OSBPL5: variants seen among roughly 807,000 people sequenced by gnomAD.
OSBPL5 encodes the protein oxysterol-binding protein-related protein 5.
Under a neutral mutation model 111.2 loss-of-function variants are expected in OSBPL5, and 71 were observed. That is an observed-to-expected ratio of 0.64 (90% CI 0.53 to 0.78). OSBPL5 has a LOEUF of 0.78. Among genes scored for constraint, OSBPL5 ranks in the 30% least tolerant of loss-of-function variants. The pLI is 0.00. For synonymous variants in OSBPL5, 549 were observed against 513.9 expected (o/e 1.07, Z -0.93); for missense variants, 1,210 against 1,189.3 (o/e 1.02, Z -0.26).
At chr11:3,158,157 C>T (rs1267021374) in intron 1 of OSBPL5, among the ~76,000 whole-genome samples, 3 of 152,262 alleles carry the variant, frequency 2.0e-5, no homozygotes, top group Non-Finnish European at 4.4e-5. Context: ...CTCCCAGCCT[C>T]CTGTGGCCAA....
intron 3 of OSBPL5, among the ~76,000 whole-genome samples, chr11:3,125,207 G>A (rs1858570055): frequency 6.6e-6 from 1 of 152,222 alleles, no homozygotes. Flanking sequence ...AGGCTGACCA[G>A]AACTTTGCAA....
intron 13 of OSBPL5, 117 bp downstream of exon 13, chr11:3,101,486 G>A (rs1857452920): frequency 1.1e-6 from 1 of 927,654 alleles, no homozygotes; most frequent in East Asian, 2.6e-5. Flanking sequence ...GACTAGGAGG[G>A]GTTGGGAGGG....
At chr11:3,103,215 C>A (rs763050680) in intron 11 of OSBPL5, 24 bp downstream of exon 11, 3 of 1,580,288 alleles carry the variant, frequency 1.9e-6, no homozygotes, top group African/African-American at 2.7e-5. Flanking sequence ...GGAGCCCCAC[C>A]CTCCCTGGCT....
At chr11:3,155,319 A>C (rs1038034279) in intron 1 of OSBPL5, among the ~76,000 whole-genome samples, 2 of 152,172 alleles carry the variant, frequency 1.3e-5, no homozygotes, top group Non-Finnish European at 2.9e-5. Flanking sequence ...CTCCAGGAAT[A>C]ATGTCCGGCA....
intron 7 of OSBPL5, among the ~76,000 whole-genome samples, chr11:3,114,498 G>A (rs1342341545): frequency 6.7e-6 from 1 of 148,410 alleles, no homozygotes; most frequent in Admixed American, 6.7e-5. Flanking sequence ...TGATCAAGTT[G>A]TCTATGACTA....
rs374028974 is a variant in OSBPL5, at chr11:3,107,360, C to T, written c.962G>A (p.Arg321Gln). 4.5e-5 allele frequency: 72 copies of T among 1,614,040 alleles called. No individual in the cohort carries two copies. Among genetic ancestry groups the T allele is most frequent in the South Asian group, 3.3e-4 (30 of 91,084 alleles). ...CTGGTCGCTGCCACTCTCCGTCTTC[C>T]GGCTATGGTCCTGGGTCTCGGTATC... ...ESDTETQDHS[R>Q]KTESGSDQSE... Residue 321 changes from arginine to glutamine, a missense_variant, in exon 9 of 22, where the codon CGG becomes CAG. Coordinates refer to ENST00000263650, the MANE Select transcript of OSBPL5 (RefSeq NM_020896.4). The surrounding 1 kb of genome is among the most constrained non-coding windows in gnomAD (Gnocchi z 6.1).
At chr11:3,108,052 A>T in intron 7 of OSBPL5, 107 bp from the exon 8 acceptor site, 7 of 1,411,978 alleles carry the variant, frequency 5.0e-6, no homozygotes, top group Non-Finnish European at 6.6e-6. Context: ...TCAGGGACCC[A>T]CCCCCTCCAT....
At position 3,092,578 on chromosome 11, in the gene OSBPL5, T is replaced by C; in HGVS notation, c.2133-20A>G. 2 of 1,569,882 alleles carry C rather than the reference T, an allele frequency of 1.3e-6. No individual in the cohort carries two copies. The highest frequency in any genetic ancestry group is 1.7e-4 in the Middle Eastern group (1 of 5,976). ...CTGTGGCTGGAGGGTCCAGAGGGCG[T>C]TCATCAGCACAGGCAGTGGCCCTCA... On this transcript the variant is annotated intron_variant, in intron 18 of 21. Transcript: ENST00000263650. This position sits in a 1 kb window ranked among gnomAD's most constrained non-coding sequence, Gnocchi z 5.4.
rs1857855436 is a variant in OSBPL5, at chr11:3,109,909, G to A, written c.692-1964C>T. 6.6e-6 allele frequency among the ~76,000 whole-genome samples: 1 copy of A among 152,186 alleles called. No individual in the cohort carries two copies. Among genetic ancestry groups the A allele is most frequent in the South Asian group, 2.1e-4 (1 of 4,826 alleles). On this transcript the variant is annotated intron_variant, in intron 7 of 21. Transcript: ENST00000263650. This position sits in a 1 kb window ranked among gnomAD's most constrained non-coding sequence, Gnocchi z 7.4. ...GCCCACCCTGATACCCACAGGGGCT[G>A]CAGACACCTCTCCTCCCGAATGGTG...
At chr11:3,114,912 T>G (rs1214634561) in intron 7 of OSBPL5, among the ~76,000 whole-genome samples, 1 of 152,180 alleles carries the variant, frequency 6.6e-6, no homozygotes, top group East Asian at 1.9e-4. Context: ...GACATTTTCT[T>G]AAGAGGTTGA....
Position 3,146,098 on chromosome 11 carries a change from C to A in OSBPL5, c.-21-16929G>T, listed in dbSNP as rs1196247800. 6.6e-6 allele frequency: 1 copy of A among 152,200 alleles called. No individual in the cohort carries two copies. Among genetic ancestry groups the A allele is most frequent in the Non-Finnish European group, 1.5e-5 (1 of 68,044 alleles). 9.4% of individuals were successfully genotyped at this position (152,200 alleles called of 1,614,324 possible). A position where few individuals can be genotyped will look rare whatever the true frequency, so the allele number is the denominator to read the frequency against. On this transcript the variant is annotated intron_variant, in intron 1 of 21. Transcript: ENST00000263650. The surrounding 1 kb of genome is among the most constrained non-coding windows in gnomAD (Gnocchi z 7.8). The stretch of plus-strand genomic sequence containing the variant: ...CCAGGAGCCCACAGAAGCCGAGTGT[C>A]ATTTCTATTCCAGGCCCTTCCATCT...
intron 1 of OSBPL5, among the ~76,000 whole-genome samples, chr11:3,136,735 G>C (rs986018421): frequency 5.9e-5 from 9 of 152,216 alleles, no homozygotes; most frequent in Admixed American, 4.6e-4. Context: ...CCCCCTCCAC[G>C]CCTATGTGGC....
At chr11:3,124,688 G>A (rs1858540979) in intron 3 of OSBPL5, among the ~76,000 whole-genome samples, 2 of 152,130 alleles carry the variant, frequency 1.3e-5, no homozygotes, top group African/African-American at 2.4e-5. Flanking sequence ...ATACAACCAC[G>A]CAGCCGTTTC....
chr11:3,150,591 C>T (rs1438455067), intron 1 of OSBPL5, among the ~76,000 whole-genome samples: 1 of 152,178 alleles, frequency 6.6e-6, no homozygotes, highest in African/African-American at 2.4e-5. Flanking sequence ...GGCCAGCGGC[C>T]TGTGGTGTCG....
At chr11:3,131,543 CCAT>C (rs1252560123) in intron 1 of OSBPL5, among the ~76,000 whole-genome samples, 3 of 134,956 alleles carry the variant, frequency 2.2e-5, no homozygotes, top group African/African-American at 8.3e-5. Context: ...ATCCATCCAT[CCAT>C]CCACCCACCC....
chr11:3,133,781 G>A (rs1054193618), intron 1 of OSBPL5, among the ~76,000 whole-genome samples: 3 of 152,264 alleles, frequency 2.0e-5, no homozygotes, highest in Non-Finnish European at 2.9e-5. Flanking sequence ...TGGGAGGAAG[G>A]AGCCCCAGAG....
chr11:3,101,207 T>A (rs2134405760), intron 13 of OSBPL5, among the ~76,000 whole-genome samples: 1 of 152,180 alleles, frequency 6.6e-6, no homozygotes. Flanking sequence ...ACTCCTGATC[T>A]CAAGTGATCC....
intron 2 of OSBPL5, among the ~76,000 whole-genome samples, chr11:3,127,954 A>T (rs1048600890): frequency 1.8e-4 from 27 of 152,126 alleles, no homozygotes; most frequent in Admixed American, 1.5e-3. Flanking sequence ...TCTGAAACTG[A>T]CCAGCAGCTG....
intron 1 of OSBPL5, among the ~76,000 whole-genome samples, chr11:3,139,636 C>G (rs1021896696): frequency 6.6e-6 from 1 of 152,166 alleles, no homozygotes; most frequent in African/African-American, 2.4e-5. Flanking sequence ...CAAGCCCCCG[C>G]CCCAGGGAGG....
Sources: gnomAD v4.1 joint callset for allele counts (sites outside exome capture counted in the v4.1 genomes callset) on GRCh38, gnomAD v4.1.1 for gene constraint, Gnocchi (gnomAD v3.1) non-coding constraint, MANE v1.5 for transcripts, NCBI Gene and HGNC (gene_info 2026-07-23, HGNC 2026-07-21) for gene names.